The following TULP3 variants were observed in gnomAD, a reference collection of about 807,000 sequenced individuals.
TULP3 encodes the protein tubby-related protein 3.
Under a neutral mutation model 50.7 loss-of-function variants are expected in TULP3, and 38 were observed. The ratio of observed to expected loss-of-function variants is 0.75; its 90% confidence interval spans 0.58 to 0.98. TULP3 has a LOEUF of 0.98. Among genes scored for constraint, TULP3 ranks in the 50% least tolerant of loss-of-function variants. The probability of loss-of-function intolerance (pLI) is 0.00; values close to 1 mark genes in which losing one functional copy is unlikely to be tolerated. For synonymous variants in TULP3, 183 were observed against 196.6 expected (o/e 0.93, Z 0.58); for missense variants, 550 against 568.0 (o/e 0.97, Z 0.32).
At chr12:2,920,669 T>C (rs1565503490) in intron 2 of TULP3, 94 bp from the exon 3 acceptor site, 1 of 1,443,744 alleles carries the variant, frequency 6.9e-7, no homozygotes. Flanking sequence ...CAAGATGTTT[T>C]GTGAGGATCA....
chr12:2,894,936 A>G (rs1053436007), intron 1 of TULP3, among the ~76,000 whole-genome samples: 2 of 152,164 alleles, frequency 1.3e-5, no homozygotes, highest in African/African-American at 4.8e-5. Flanking sequence ...AATAGTGAAA[A>G]TAAATAACAT....
chr12:2,892,762 G>C (rs964330994), intron 1 of TULP3, among the ~76,000 whole-genome samples: 2 of 151,972 alleles, frequency 1.3e-5, no homozygotes, highest in Non-Finnish European at 2.9e-5. Flanking sequence ...TGCCCACCTC[G>C]GCCTCCCAAA....
chr12:2,907,939 G>A (rs2098183306), intron 1 of TULP3, among the ~76,000 whole-genome samples: 2 of 152,022 alleles, frequency 1.3e-5, no homozygotes, highest in Admixed American at 6.6e-5. Flanking sequence ...AGCACCCGGT[G>A]TTTTTTTATT....
chr12:2,905,060 G>T (rs1156854646), intron 1 of TULP3, among the ~76,000 whole-genome samples: 5 of 134,374 alleles, frequency 3.7e-5, no homozygotes, highest in African/African-American at 1.4e-4. Context: ...ACTCCAGCCT[G>T]GACGACAGAG....
At chr12:2,898,337 A>C (rs543789684) in intron 1 of TULP3, among the ~76,000 whole-genome samples, 1 of 152,122 alleles carries the variant, frequency 6.6e-6, no homozygotes, top group Admixed American at 6.6e-5. Flanking sequence ...GACCTTTTTA[A>C]TTATTTTTTT....
At chr12:2,911,111 C>G (rs1157255474) in intron 2 of TULP3, among the ~76,000 whole-genome samples, 2 of 150,856 alleles carry the variant, frequency 1.3e-5, no homozygotes, top group African/African-American at 4.9e-5. Flanking sequence ...TTAAGGTGGC[C>G]CTAATATTTT....
At chr12:2,915,419 A>G (rs949354771) in intron 2 of TULP3, among the ~76,000 whole-genome samples, 20 of 152,210 alleles carry the variant, frequency 1.3e-4, no homozygotes, top group African/African-American at 4.1e-4. Context: ...TTGCTCATCT[A>G]TTTGTATGAT....
chr12:2,931,409 A>G (rs1565507556), intron 6 of TULP3, among the ~76,000 whole-genome samples, 169 bp downstream of exon 6: 1 of 152,240 alleles, frequency 6.6e-6, no homozygotes, highest in Non-Finnish European at 1.5e-5. Flanking sequence ...CAAAGAGCTC[A>G]TGGTCTAATA....
intron 1 of TULP3, among the ~76,000 whole-genome samples, chr12:2,904,416 C>T (rs1195905491): frequency 1.3e-5 from 2 of 152,184 alleles, no homozygotes; most frequent in Non-Finnish European, 2.9e-5. Context: ...CAGCTCACTG[C>T]ACCCTTGAAC....
intron 5 of TULP3, 145 bp downstream of exon 5, chr12:2,930,490 C>T (rs1218831103): frequency 3.7e-6 from 2 of 547,566 alleles, no homozygotes; most frequent in South Asian, 2.7e-5. Flanking sequence ...GTGGCATGAT[C>T]TCAGCTCACT....
intron 1 of TULP3, among the ~76,000 whole-genome samples, chr12:2,907,220 C>A (rs1266362493): frequency 6.6e-6 from 1 of 151,998 alleles, no homozygotes; most frequent in Non-Finnish European, 1.5e-5. Context: ...CACCTGTAAT[C>A]CCAGCACTTG....
chr12:2,915,256 C>T (rs1040404657), intron 2 of TULP3, among the ~76,000 whole-genome samples: 6 of 152,302 alleles, frequency 3.9e-5, no homozygotes, highest in African/African-American at 1.2e-4. Flanking sequence ...TCCCAAAATG[C>T]TGGGATTACA....
In TULP3 at chr12:2,937,957, G is replaced by A. The variant is rs115180494; in HGVS notation, c.1024-157G>A. 2.1e-3 allele frequency among the ~76,000 whole-genome samples: 321 copies of A among 152,244 alleles called. 2 individuals carry two copies. The highest frequency in any genetic ancestry group is 7.3e-3 in the African/African-American group (305 of 41,558). ...TCTACAAAGAGAAATGCTGGATGAT[G>A]TAGAATAATTTTAAAAAAAACCTGT... On this transcript the variant is annotated intron_variant, in intron 9 of 10. Transcript: ENST00000448120.
intron 8 of TULP3, 26 bp from the exon 9 acceptor site, chr12:2,937,605 T>G: frequency 1.3e-6 from 2 of 1,553,172 alleles, no homozygotes; most frequent in Non-Finnish European, 1.8e-6. Context: ...TGTTTCCAAG[T>G]TCTGCTTTGT....
intron 8 of TULP3, among the ~76,000 whole-genome samples, chr12:2,935,236 T>G (rs369397474): frequency 6.1e-4 from 93 of 152,320 alleles, no homozygotes; most frequent in African/African-American, 2.2e-3. Flanking sequence ...GTCATTCCTT[T>G]GTCCAACCAC....
intron 3 of TULP3, 125 bp from the exon 4 acceptor site, chr12:2,922,137 G>A (rs2098192140): frequency 7.7e-6 from 9 of 1,174,992 alleles, no homozygotes; most frequent in African/African-American, 3.1e-5. Context: ...TCTTATGGAT[G>A]TTAAGAAAGG....
intron 4 of TULP3, among the ~76,000 whole-genome samples, chr12:2,922,882 C>G (rs939316954): frequency 3.9e-5 from 5 of 127,256 alleles, no homozygotes; most frequent in African/African-American, 1.6e-4. Flanking sequence ...GAGACAAAGT[C>G]TCACTCTGTC....
At chr12:2,900,096 T>G (rs777906997) in intron 1 of TULP3, among the ~76,000 whole-genome samples, 4 of 149,978 alleles carry the variant, frequency 2.7e-5, no homozygotes, top group Non-Finnish European at 4.4e-5. Context: ...GTGGTCGCAC[T>G]CCTGTGTTCC....
intron 2 of TULP3, among the ~76,000 whole-genome samples, chr12:2,910,537 A>G (rs1352992942): frequency 1.3e-5 from 2 of 152,178 alleles, no homozygotes; most frequent in African/African-American, 4.8e-5. Flanking sequence ...CTTAGAACGT[A>G]TACCCAACAT....
Sources: allele counts gnomAD v4.1 joint callset (sites outside exome capture counted in the v4.1 genomes callset), GRCh38; gene constraint gnomAD v4.1.1; transcripts MANE v1.5; gene names NCBI Gene and HGNC (gene_info 2026-07-23, HGNC 2026-07-21).